The following NCOA2 variants were observed in gnomAD, a reference collection of about 807,000 sequenced individuals.
NCOA2 encodes nuclear receptor coactivator 2.
NCOA2 carries 21 observed loss-of-function variants against 145.1 expected under a neutral mutation model. The observed-to-expected ratio is 0.14, with a 90% CI of 0.10 to 0.21. The LOEUF (loss-of-function observed/expected upper bound fraction) is 0.21, where lower values mean the gene tolerates loss of function less well. NCOA2 is among the 10% of genes least tolerant of loss of function. The pLI, the probability that NCOA2 is intolerant of heterozygous loss-of-function variation, is 1.00. For missense variants in NCOA2, 1,472 were observed against 1,837.6 expected, an observed-to-expected ratio of 0.80 and a Z score of 3.64; for synonymous variants, 619 against 637.5, an observed-to-expected ratio of 0.97 and a Z score of 0.44.
At chr8:70,218,252 T>C (rs1293750874) in intron 2 of NCOA2, among the ~76,000 whole-genome samples, 1 of 147,486 alleles carries the variant, frequency 6.8e-6, no homozygotes, top group East Asian at 2.0e-4. Context: ...GAAGAAATAC[T>C]GTATCCGTTT....
chr8:70,205,848 C>A (rs986268541), intron 4 of NCOA2, among the ~76,000 whole-genome samples: 1 of 152,204 alleles, frequency 6.6e-6, no homozygotes, highest in Non-Finnish European at 1.5e-5. Context: ...AAATGATCAA[C>A]CTGGCTCCCT....
chr8:70,286,424 G>A (rs992877854), intron 2 of NCOA2, among the ~76,000 whole-genome samples: 1 of 152,048 alleles, frequency 6.6e-6, no homozygotes, highest in Non-Finnish European at 1.5e-5. Flanking sequence ...AAAAAGATGT[G>A]GTCAAACCCT....
chr8:70,248,882 T>C (rs1263809964), intron 2 of NCOA2, among the ~76,000 whole-genome samples: 1 of 151,548 alleles, frequency 6.6e-6, no homozygotes, highest in Non-Finnish European at 1.5e-5. Context: ...AATTTGTCCC[T>C]TTTCACTGCT....
intron 12 of NCOA2, among the ~76,000 whole-genome samples, chr8:70,147,891 A>G (rs1811280475): frequency 6.6e-6 from 1 of 152,176 alleles, no homozygotes; most frequent in Non-Finnish European, 1.5e-5. Context: ...TATTATCCCT[A>G]AAAAGTCAGC....
intron 1 of NCOA2, among the ~76,000 whole-genome samples, chr8:70,351,751 ATTTTTTT>A (rs1266426866): frequency 3.1e-5 from 4 of 129,884 alleles, no homozygotes; most frequent in South Asian, 2.5e-4. Context: ...ACCCCGGCTA[ATTTTTTT>A]TTTTTTTTTT....
chr8:70,326,189 T>C (rs1188338685), intron 1 of NCOA2, among the ~76,000 whole-genome samples: 2 of 152,224 alleles, frequency 1.3e-5, no homozygotes, highest in Admixed American at 6.5e-5. Flanking sequence ...ATATAAACTG[T>C]AAGTCTGTGT....
At chr8:70,145,927 G>T (rs555561810) in intron 12 of NCOA2, among the ~76,000 whole-genome samples, 5 of 152,270 alleles carry the variant, frequency 3.3e-5, no homozygotes, top group African/African-American at 9.6e-5. Flanking sequence ...CACCGTGTCT[G>T]GCTCCCAATA....
rs565894425 is a variant in NCOA2 at position 70,403,546 on chromosome 8, G to A, written c.-77+154C>T. On this transcript the variant is annotated intron_variant, in intron 1 of 22. Coordinates refer to ENST00000452400, the MANE Select transcript of NCOA2 (RefSeq NM_006540.4). ...CCGTTTTCCGCGCACTCCGGCGGCG[G>A]TCCCCGCACACAAAAACAGCCTCTC... Among the ~76,000 whole-genome samples the A allele has an allele frequency of 3.8e-3, 578 of 151,248 alleles. 2 individuals are homozygous for A. Among genetic ancestry groups the A allele is most frequent in the Non-Finnish European group, 6.1e-3 (416 of 67,692 alleles).
chr8:70,269,809 A>G (rs1463314732), intron 2 of NCOA2, among the ~76,000 whole-genome samples: 1 of 152,214 alleles, frequency 6.6e-6, no homozygotes, highest in African/African-American at 2.4e-5. Context: ...GCCTATGTTG[A>G]AACTTAAATT....
intron 2 of NCOA2, among the ~76,000 whole-genome samples, chr8:70,291,126 T>A (rs866988349): frequency 2.0e-5 from 3 of 152,178 alleles, no homozygotes; most frequent in Admixed American, 6.5e-5. Context: ...AAGTTTGAAT[T>A]GAACCCTAAG....
chr8:70,166,745 C>T lies in NCOA2; in HGVS notation c.551G>A (p.Gly184Glu). ...NLLPKSIVNGGSWSGEPPRRN... is the reference protein window; with the variant it reads ...NLLPKSIVNGESWSGEPPRRN... ...CCTCGGAGGTTCGCCAGACCAAGATCCCCCATTTACTGAGCAAGGCAAAAG... is the reference window on the plus strand; with the variant it reads ...CCTCGGAGGTTCGCCAGACCAAGATTCCCCATTTACTGAGCAAGGCAAAAG... Residue 184 changes from glycine (G) to glutamate (E), a missense_variant, in exon 7 of 23, where the codon GGA (glycine) becomes GAA (glutamate). Physicochemically the swap from Gly to Glu is moderately conservative, Grantham distance 98. Around this residue, in one of 4 missense-constraint regions of NCOA2, gnomAD observed 284 missense variants for 467.8 expected, o/e 0.61. Coordinates refer to ENST00000452400, the MANE Select transcript of NCOA2 (RefSeq NM_006540.4). 1.2e-6 allele frequency: 2 copies of T among 1,613,368 alleles called. No homozygotes were observed. The highest frequency in any genetic ancestry group is 1.7e-6 in the Non-Finnish European group (2 of 1,179,480).
At chr8:70,428,120 G>A in the NCOA2 span, among the ~76,000 whole-genome samples, 2 of 152,032 alleles carry the variant, frequency 1.3e-5, no homozygotes, top group Admixed American at 1.3e-4. Flanking sequence ...TGGCAGGATT[G>A]ATAAAAATAG....
intron 1 of NCOA2, among the ~76,000 whole-genome samples, chr8:70,386,630 A>T (rs893464181): frequency 1.3e-5 from 2 of 152,228 alleles, no homozygotes; most frequent in Non-Finnish European, 2.9e-5. Context: ...ATAATTCTAG[A>T]ATGTAAAGAA....
intron 12 of NCOA2, 113 bp downstream of exon 12, chr8:70,148,160 A>G: frequency 2.0e-6 from 2 of 1,016,824 alleles, no homozygotes. Context: ...GTGCTATTTG[A>G]TCACAAAAAC....
At position 70,128,484 on chromosome 8, in the gene NCOA2, G is replaced by C. The variant is rs762234294; in HGVS notation, c.3630C>G (p.Ile1210Met). The change falls in exon 18 of 23, where the codon ATC (isoleucine) becomes ATG (methionine). Residue 1210 changes from isoleucine to methionine, a missense_variant. Coordinates refer to ENST00000452400, the MANE Select transcript of NCOA2 (RefSeq NM_006540.4). Reference sequence around the variant, plus strand: ...TCAAGTTCACATTGGAAACATTGCTGATTTGATTCATAAGTGGCTGGCGAT... The same window carrying C: ...TCAAGTTCACATTGGAAACATTGCTCATTTGATTCATAAGTGGCTGGCGAT... ...QQNRQPLMNQ[I>M]SNVSNVNLTL... The C allele has an allele frequency of 3.1e-6, 5 of 1,612,990 alleles. No individual in the cohort carries two copies. The highest frequency in any genetic ancestry group is 4.2e-6 in the Non-Finnish European group (5 of 1,179,444).
intron 2 of NCOA2, among the ~76,000 whole-genome samples, chr8:70,227,341 A>G (rs17748913): frequency 0.067 from 10,234 of 152,334 alleles, 477 homozygotes; most frequent in Non-Finnish European, 0.11. Flanking sequence ...CAGGACCCAA[A>G]TTTAATAAAG....
rs899336130 is a variant in NCOA2, at chr8:70,110,681, A to G, written c.*2951T>C. On this transcript the variant is annotated 3_prime_UTR_variant, in exon 23 of 23. Transcript: ENST00000452400. ...CTCCATTTTTGAACACAGATTAAAA[A>G]TTGCATTATATAAACTGCAAAAACA... 4.2e-5 allele frequency: 9 copies of G among 216,380 alleles called. No homozygotes were observed. The highest frequency in any genetic ancestry group is 6.5e-5 in the Non-Finnish European group (7 of 107,442). 13.4% of individuals were successfully genotyped at this position (216,380 alleles called of 1,614,324 possible). A position where few individuals can be genotyped will look rare whatever the true frequency, so the allele number is the denominator to read the frequency against.
Position 70,156,322 on chromosome 8 carries a change from G to C in NCOA2, c.2043C>G (p.Thr681=). The change falls in exon 11 of 23, where the codon ACC becomes ACG. Residue 681 remains threonine, a synonymous_variant. Coordinates refer to ENST00000452400, the MANE Select transcript of NCOA2 (RefSeq NM_006540.4). ...AAATTTTATGCTTCTCCTTGAGCGA[G>C]GTTCCATGTGTAGACCCAGAACCAG... The part of the protein sequence containing the change: ...SLPGSGSTHG[T]SLKEKHKILH... The C allele has an allele frequency of 6.2e-7, 1 of 1,613,856 alleles. No individual in the cohort carries two copies. The highest frequency in any genetic ancestry group is 1.3e-5 in the African/African-American group (1 of 74,996).
At chr8:70,424,666 T>G in the NCOA2 span, 1 of 300,596 alleles carries the variant, frequency 3.3e-6, no homozygotes, top group East Asian at 9.3e-5. Flanking sequence ...TTAGCCTTTG[T>G]GAAATACGTG....
Sources: gnomAD v4.1 joint callset for allele counts (sites outside exome capture counted in the v4.1 genomes callset) on GRCh38, gnomAD v4.1.1 for gene constraint, gnomAD v4.1.1 regional missense constraint, MANE v1.5 for transcripts, NCBI Gene and HGNC (gene_info 2026-07-23, HGNC 2026-07-21) for gene names.